Variants in ZNF18 observed in about 807,000 individuals in gnomAD.
ZNF18 encodes heart development-specific gene 1 protein.
In ZNF18, 42 loss-of-function variants were observed where a neutral mutation model predicts 58.1. That is an observed-to-expected ratio of 0.72 (90% CI 0.56 to 0.93). ZNF18 has a LOEUF of 0.93. Among genes scored for constraint, ZNF18 ranks in the 40% least tolerant of loss-of-function variants. The pLI is 0.00. For synonymous variants in ZNF18, 231 were observed against 239.8 expected, an observed-to-expected ratio of 0.96 and a Z score of 0.34; for missense variants, 540 against 644.2, an observed-to-expected ratio of 0.84 and a Z score of 1.75.
chr17:11,981,879 G>T (rs1967383117), intron 6 of ZNF18, among the ~76,000 whole-genome samples: 1 of 152,088 alleles, frequency 6.6e-6, no homozygotes, highest in African/African-American at 2.4e-5. Context: ...ACTAAACTGT[G>T]ATCCCCCAAA....
At chr17:12,016,950 A>T in the ZNF18 span, among the ~76,000 whole-genome samples, 1 of 152,084 alleles carries the variant, frequency 6.6e-6, no homozygotes, top group Non-Finnish European at 1.5e-5. Context: ...TAATTCCAGC[A>T]CTTTGGGAGA....
intron 5 of ZNF18, 101 bp downstream of exon 5, chr17:11,984,012 G>T: frequency 9.4e-7 from 1 of 1,059,126 alleles, no homozygotes; most frequent in Non-Finnish European, 1.3e-6. Context: ...CTTTCACCTG[G>T]CGATTTTCAG....
At chr17:12,001,904 A>G (rs934988326), upstream of ZNF18, among the ~76,000 whole-genome samples, 2 of 152,164 alleles carry the variant, frequency 1.3e-5, no homozygotes, top group Non-Finnish European at 2.9e-5. Context: ...CATGCACTCC[A>G]AAATTCAGAG....
At chr17:12,014,312 T>C in the ZNF18 span, among the ~76,000 whole-genome samples, 1 of 152,234 alleles carries the variant, frequency 6.6e-6, no homozygotes, top group Non-Finnish European at 1.5e-5. Flanking sequence ...TGAAAATATA[T>C]GTCCACAGGA....
Position 11,978,563 on chromosome 17 carries a change from T to C in ZNF18, c.1044A>G (p.Gln348=), listed in dbSNP as rs1199546842. The change falls in exon 7 of 7, where the codon CAA becomes CAG. Residue 348 remains glutamine, a synonymous_variant. Transcript: ENST00000580306. The stretch of plus-strand genomic sequence containing the variant: ...CCCCTGTTCCCTCATCCTGAATGTT[T>C]TGCAGAGCCTCAGGGAGATTCTCTC... ...GEGENLPEAL[Q]NIQDEGTGEQ... is the part of the protein sequence containing the mutation. The C allele has an allele frequency of 3.1e-6, 5 of 1,613,726 alleles. No individual in the cohort carries two copies. The highest frequency in any genetic ancestry group is 1.3e-5 in the African/African-American group (1 of 74,866).
In ZNF18 at chr17:11,978,847, T is replaced by TC. The variant is rs2151466790; in HGVS notation, c.863-104_863-103insG. On this transcript the variant is annotated intron_variant, in intron 6 of 6. Coordinates refer to ENST00000580306, the MANE Select transcript of ZNF18 (RefSeq NM_001303281.2). The stretch of plus-strand genomic sequence containing the variant: ...TCATAAAACATTCATTTTCTTTTTT[T>TC]TTTTTTTTTTTTTTTTTTTAGGGCA... 4 of 725,808 alleles carry TC rather than the reference T, an allele frequency of 5.5e-6. No individual in the cohort carries two copies. The South Asian group carries it at 1.1e-4, about 20-fold the overall frequency. The allele number at this position is 725,808 out of a possible 1,614,324, so 45.0% of individuals were successfully genotyped here. A position where few individuals can be genotyped will look rare whatever the true frequency, so the allele number is the denominator to read the frequency against.
At chr17:11,997,788 G>T (rs1201694669), upstream of ZNF18, among the ~76,000 whole-genome samples, 1 of 152,150 alleles carries the variant, frequency 6.6e-6, no homozygotes, top group Non-Finnish European at 1.5e-5. Context: ...TCATTTCTTT[G>T]TCTCTCCCAA....
At chr17:11,996,325 A>C (rs1361469650) in intron 1 of ZNF18, among the ~76,000 whole-genome samples, 1 of 152,228 alleles carries the variant, frequency 6.6e-6, no homozygotes, top group Non-Finnish European at 1.5e-5. Flanking sequence ...TCAAATAACA[A>C]GCGGCAAGAT....
chr17:12,018,115 C>T, the ZNF18 span, among the ~76,000 whole-genome samples: 1 of 152,110 alleles, frequency 6.6e-6, no homozygotes, highest in African/African-American at 2.4e-5. Context: ...CATGGCAGAG[C>T]CAGGAGTTTC....
chr17:12,020,372 G>C, the ZNF18 span, among the ~76,000 whole-genome samples: 8 of 152,160 alleles, frequency 5.3e-5, no homozygotes, highest in African/African-American at 1.9e-4. Context: ...AAGTGTAGAG[G>C]GTTGGGGTAT....
chr17:11,988,631 G>A (rs1419004506), intron 4 of ZNF18, among the ~76,000 whole-genome samples: 2 of 152,112 alleles, frequency 1.3e-5, no homozygotes, highest in African/African-American at 4.8e-5. Context: ...TATATGAAGG[G>A]GCATCAGATT....
chr17:12,011,013 G>C, the ZNF18 span: 1 of 748,420 alleles, frequency 1.3e-6, no homozygotes, highest in Admixed American at 1.7e-5. Context: ...AATGCCAACA[G>C]CATGCTGGGG....
chr17:12,003,970 C>T, the ZNF18 span, among the ~76,000 whole-genome samples: 4 of 152,216 alleles, frequency 2.6e-5, no homozygotes, highest in Admixed American at 6.5e-5. Flanking sequence ...CAGTGACTCA[C>T]GCCTGTAATC....
chr17:12,003,990 T>C, the ZNF18 span, among the ~76,000 whole-genome samples: 19 of 152,022 alleles, frequency 1.2e-4, 1 homozygote, highest in Non-Finnish European at 5.9e-5. Flanking sequence ...CCTAGCACTT[T>C]GGGAGGCTGA....
chr17:11,978,592 C>T lies in ZNF18; in HGVS notation c.1015G>A (p.Glu339Lys). Reference sequence around the variant, plus strand: ...AGAGCCTCAGGGAGATTCTCTCCTTCTCCAAAGCATCCTGGCTCATCCTCA... The same window carrying T: ...AGAGCCTCAGGGAGATTCTCTCCTTTTCCAAAGCATCCTGGCTCATCCTCA... ...FTEDEPGCFGEGENLPEALQN... is the reference protein window; with the variant it reads ...FTEDEPGCFGKGENLPEALQN... Residue 339 changes from glutamate to lysine, a missense_variant, in exon 7 of 7, where the codon GAA (glutamate) becomes AAA (lysine). Physicochemically the swap from Glu to Lys is moderately conservative, Grantham distance 56. Transcript: ENST00000580306. The T allele has an allele frequency of 6.2e-7, 1 of 1,614,110 alleles. No homozygotes were observed. The highest frequency in any genetic ancestry group is 8.5e-7 in the Non-Finnish European group (1 of 1,180,028).
At position 11,983,318 on chromosome 17, in the gene ZNF18, T is replaced by A. The variant is rs1967500491; in HGVS notation, c.841A>T (p.Ile281Phe). 1 of 1,613,608 alleles carries A rather than the reference T, an allele frequency of 6.2e-7. No individual in the cohort carries two copies. Among genetic ancestry groups the A allele is most frequent in the Non-Finnish European group, 8.5e-7 (1 of 1,179,660 alleles). The change falls in exon 6 of 7, where the codon ATC becomes TTC. Residue 281 changes from isoleucine to phenylalanine, a missense_variant. By Grantham distance (21) the Ile-to-Phe change is conservative. Coordinates refer to ENST00000580306, the MANE Select transcript of ZNF18 (RefSeq NM_001303281.2). ...TCACCTATGCAGGTGGGTCTTGGGATCTTCTCATTGACATGAAGGTATATT... is the reference window on the plus strand; with the variant it reads ...TCACCTATGCAGGTGGGTCTTGGGAACTTCTCATTGACATGAAGGTATATT... ...AGIYLHVNEKIPRPTCIGDRQ... is the reference protein window; with the variant it reads ...AGIYLHVNEKFPRPTCIGDRQ...
In ZNF18 at chr17:11,991,182, T is replaced by C. The variant is rs1202905766; in HGVS notation, c.388-19A>G. On this transcript the variant is annotated intron_variant, in intron 2 of 6. Transcript: ENST00000580306. ...TACTGATCTAGAGACCATATATTAA[T>C]TAGTAATTACTGAAGAATCCAGAGT... 5.0e-6 allele frequency: 8 copies of C among 1,599,890 alleles called. No individual in the cohort carries two copies. The highest frequency in any genetic ancestry group is 6.8e-6 in the Non-Finnish European group (8 of 1,169,508).
At chr17:12,018,941 A>T in the ZNF18 span, among the ~76,000 whole-genome samples, 1 of 150,266 alleles carries the variant, frequency 6.7e-6, no homozygotes, top group South Asian at 2.1e-4. Flanking sequence ...TATATATATA[A>T]ATATAACTAT....
chr17:12,017,063 T>C, the ZNF18 span, among the ~76,000 whole-genome samples: 1 of 151,772 alleles, frequency 6.6e-6, no homozygotes, highest in Non-Finnish European at 1.5e-5. Context: ...CTGGGCATGG[T>C]GATGTGCGCC....
Sources: gnomAD v4.1 joint callset for allele counts (sites outside exome capture counted in the v4.1 genomes callset) on GRCh38, gnomAD v4.1.1 for gene constraint, MANE v1.5 for transcripts, NCBI Gene and HGNC (gene_info 2026-07-23, HGNC 2026-07-21) for gene names.